Variants in ADAMTS20 observed in about 807,000 individuals in gnomAD.
ADAMTS20 encodes the protein A disintegrin and metalloproteinase with thrombospondin motifs 20.
In ADAMTS20, 225 loss-of-function variants were observed where a neutral mutation model predicts 260.1. The observed-to-expected ratio is 0.87, with a 90% CI of 0.78 to 0.97. The LOEUF (loss-of-function observed/expected upper bound fraction) is 0.97, where lower values mean the gene tolerates loss of function less well. ADAMTS20 is among the 50% of genes least tolerant of loss of function. The pLI is 0.00. For synonymous variants in ADAMTS20, 802 were observed against 769.5 expected (o/e 1.04, Z -0.70); for missense variants, 2,400 against 2,337.7 (o/e 1.03, Z -0.55).
At chr12:43,548,495 G>C (rs1198374588) in intron 2 of ADAMTS20, among the ~76,000 whole-genome samples, 1 of 151,818 alleles carries the variant, frequency 6.6e-6, no homozygotes, top group African/African-American at 2.4e-5. Context: ...AGGGGAATCT[G>C]GTATAATTAC....
intron 4 of ADAMTS20, among the ~76,000 whole-genome samples, chr12:43,500,352 C>T (rs1942740892): frequency 1.3e-5 from 2 of 152,154 alleles, no homozygotes; most frequent in Non-Finnish European, 2.9e-5. Context: ...TGAATGTCAT[C>T]TCCTTTAACC....
intron 9 of ADAMTS20, among the ~76,000 whole-genome samples, chr12:43,466,346 T>G (rs1193178011): frequency 6.6e-6 from 1 of 151,684 alleles, no homozygotes; most frequent in Non-Finnish European, 1.5e-5. Context: ...AAACTGGAAT[T>G]CCCATTAAGT....
intron 2 of ADAMTS20, among the ~76,000 whole-genome samples, chr12:43,543,767 C>A (rs577032674): frequency 1.3e-5 from 2 of 152,166 alleles, no homozygotes; most frequent in South Asian, 2.1e-4. Flanking sequence ...AAAATCAACG[C>A]CCCTCATTTT....
intron 28 of ADAMTS20, among the ~76,000 whole-genome samples, chr12:43,411,604 G>A (rs974445653): frequency 1.3e-5 from 2 of 152,108 alleles, no homozygotes; most frequent in African/African-American, 2.4e-5. Flanking sequence ...CTGACCTCAG[G>A]TGATCCACCC....
At chr12:43,448,348 C>T (rs969618805) in intron 14 of ADAMTS20, among the ~76,000 whole-genome samples, 3 of 152,144 alleles carry the variant, frequency 2.0e-5, no homozygotes, top group Non-Finnish European at 2.9e-5. Context: ...ACAGCTACAA[C>T]CATCTGATCT....
intron 7 of ADAMTS20, among the ~76,000 whole-genome samples, chr12:43,472,807 A>C (rs1274535342): frequency 6.6e-6 from 1 of 151,648 alleles, no homozygotes; most frequent in African/African-American, 2.4e-5. Flanking sequence ...GTCACCACCA[A>C]GCCTGCCCTA....
intron 3 of ADAMTS20, among the ~76,000 whole-genome samples, chr12:43,515,585 G>T (rs954025709): frequency 6.6e-6 from 1 of 152,014 alleles, no homozygotes; most frequent in African/African-American, 2.4e-5. Flanking sequence ...TTCCTTAAAA[G>T]ATTTTGTAAA....
intron 37 of ADAMTS20, among the ~76,000 whole-genome samples, chr12:43,362,609 A>G (rs760621336): frequency 6.6e-6 from 1 of 152,168 alleles, no homozygotes; most frequent in Non-Finnish European, 1.5e-5. Flanking sequence ...GGTGAAAATG[A>G]TAACTATAAC....
rs1403302489 is a variant in ADAMTS20, at chr12:43,472,179, C to T, written c.1118-3474G>A. On this transcript the variant is annotated intron_variant, in intron 7 of 38. Transcript: ENST00000389420. ...GCTGAAAACCAAGGCTCGAGAACTA[C>T]GTGAAGAATGCAGAAGCCTCAGGAG... is the stretch of plus-strand genomic sequence containing the variant. Among the ~76,000 whole-genome samples the T allele has an allele frequency of 7.5e-5, 11 of 145,808 alleles. No individual in the cohort carries two copies. In the East Asian group the frequency reaches 2.1e-3, roughly 27 times the overall value.
intron 2 of ADAMTS20, among the ~76,000 whole-genome samples, chr12:43,536,394 G>A (rs556084024): frequency 2.6e-4 from 40 of 152,134 alleles, no homozygotes; most frequent in Non-Finnish European, 3.7e-4. Context: ...CGTTCTAGGG[G>A]CTAACGATAC....
intron 34 of ADAMTS20, 24 bp from the exon 35 acceptor site, chr12:43,376,172 A>G (rs781572950): frequency 1.9e-5 from 30 of 1,569,368 alleles, no homozygotes; most frequent in Non-Finnish European, 2.4e-5. Context: ...GTAAACATCT[A>G]GAAAAACTTT....
chr12:43,496,535 A>C (rs1040160121), intron 4 of ADAMTS20, among the ~76,000 whole-genome samples: 2 of 152,208 alleles, frequency 1.3e-5, no homozygotes, highest in Admixed American at 6.5e-5. Context: ...CCGTGGCCTC[A>C]GAGAAGCCCT....
intron 3 of ADAMTS20, among the ~76,000 whole-genome samples, chr12:43,512,501 TC>T (rs1224606259): frequency 6.6e-6 from 1 of 152,056 alleles, no homozygotes; most frequent in Non-Finnish European, 1.5e-5. Context: ...AAATCTACAG[TC>T]CTCTGTGATT....
At chr12:43,453,461 C>G (rs1674033430) in intron 12 of ADAMTS20, among the ~76,000 whole-genome samples, 1 of 151,958 alleles carries the variant, frequency 6.6e-6, no homozygotes, top group South Asian at 2.1e-4. Context: ...GCGTCTATAA[C>G]ACAAGAAGCA....
chr12:43,416,764 C>T (rs1276603953), intron 28 of ADAMTS20, among the ~76,000 whole-genome samples: 7 of 151,762 alleles, frequency 4.6e-5, no homozygotes, highest in South Asian at 2.1e-4. Context: ...CCTCGTGATC[C>T]GACCGCCTCG....
chr12:43,399,337 T>C (rs1940764668), intron 28 of ADAMTS20, 104 bp from the exon 29 acceptor site: 1 of 1,023,164 alleles, frequency 9.8e-7, no homozygotes, highest in South Asian at 2.8e-5. Context: ...ATTCCTTTGA[T>C]ATTTTTATGA....
chr12:43,544,728 T>G (rs2137527350), intron 2 of ADAMTS20, among the ~76,000 whole-genome samples: 1 of 152,320 alleles, frequency 6.6e-6, no homozygotes, highest in South Asian at 2.1e-4. Context: ...AACAAGTGTC[T>G]CCAGAATAAT....
chr12:43,478,742 C>T (rs1313716619), intron 7 of ADAMTS20, among the ~76,000 whole-genome samples: 1 of 152,090 alleles, frequency 6.6e-6, no homozygotes, highest in East Asian at 1.9e-4. Flanking sequence ...TAACTGTCAA[C>T]CTAGAATTGG....
chr12:43,370,738 A>G (rs2137201674), intron 36 of ADAMTS20, among the ~76,000 whole-genome samples: 1 of 152,236 alleles, frequency 6.6e-6, no homozygotes, highest in East Asian at 1.9e-4. Context: ...GCCCTGCTCT[A>G]TTTCCCATTT....
Sources: allele counts gnomAD v4.1 joint callset (sites outside exome capture counted in the v4.1 genomes callset), GRCh38; gene constraint gnomAD v4.1.1; transcripts MANE v1.5; gene names NCBI Gene and HGNC (gene_info 2026-07-23, HGNC 2026-07-21).